Variants in IQSEC2 observed in about 807,000 individuals in gnomAD.
IQSEC2 encodes the protein IQ motif and Sec7 domain ArfGEF 2.
Under a neutral mutation model 74.6 loss-of-function variants are expected in IQSEC2, and 6 were observed. That is an observed-to-expected ratio of 0.08 (90% confidence interval 0.04 to 0.16). The LOEUF (loss-of-function observed/expected upper bound fraction) is 0.16. Among genes scored for constraint, IQSEC2 ranks in the 10% least tolerant of loss-of-function variants. The pLI is 1.00. For missense variants in IQSEC2, 734 were observed against 1,306.2 expected, an observed-to-expected ratio of 0.56 and a Z score of 6.75; for synonymous variants, 494 against 544.5, an observed-to-expected ratio of 0.91 and a Z score of 1.29.
chrX:53,245,208 A>G (rs1349531696), intron 8 of IQSEC2, among the ~76,000 whole-genome samples: 1 of 110,445 alleles, frequency 9.1e-6, no homozygotes, highest in Non-Finnish European at 1.9e-5. Flanking sequence ...TGGGAGGCCG[A>G]GTTGAGGCAA....
chrX:53,261,177 C>T (rs1347059490), intron 2 of IQSEC2, among the ~76,000 whole-genome samples: 6 of 111,335 alleles, frequency 5.4e-5, no homozygotes, highest in Admixed American at 4.8e-4. Flanking sequence ...GAACAACACT[C>T]GGGGACATGC....
chrX:53,303,290 A>G (rs17316052), intron 1 of IQSEC2, among the ~76,000 whole-genome samples: 2,637 of 111,376 alleles, frequency 0.024, 33 homozygotes, highest in Non-Finnish European at 0.037. Flanking sequence ...AGCAAACTCT[A>G]CATAGTTCAG....
chrX:53,286,953 AAAAAGAAAAAGAAAAAG>A (rs2075037507), intron 2 of IQSEC2, among the ~76,000 whole-genome samples: 1 of 105,457 alleles, frequency 9.5e-6, no homozygotes, highest in African/African-American at 3.5e-5. Context: ...AAAAAAAAAA[AAAAAGAAAAAGAAAAAG>A]AAAGAAAGAA....
chrX:53,245,540 T>A (rs986358256), intron 8 of IQSEC2, among the ~76,000 whole-genome samples: 2 of 111,556 alleles, frequency 1.8e-5, no homozygotes, highest in African/African-American at 6.5e-5. Context: ...AGGAACATAC[T>A]ACATCGCACT....
chrX:53,262,353 G>A, intron 2 of IQSEC2, among the ~76,000 whole-genome samples: 1 of 112,263 alleles, frequency 8.9e-6, no homozygotes, highest in Admixed American at 9.4e-5. Flanking sequence ...AGCAGGGGAT[G>A]GGATCAGGAT....
At chrX:53,231,144 G>A (rs2074062668), downstream of IQSEC2, 1 of 112,704 alleles carries the variant, frequency 8.9e-6, no homozygotes, top group African/African-American at 3.2e-5. Flanking sequence ...GCAATGTTCT[G>A]GATGGAGATG....
intron 2 of IQSEC2, among the ~76,000 whole-genome samples, chrX:53,270,714 C>T (rs143017188): frequency 2.4e-4 from 27 of 112,424 alleles, no homozygotes; most frequent in Middle Eastern, 4.6e-3. Flanking sequence ...GTGCCTAACA[C>T]AGTGCCTGGC....
rs1064795324 is a variant in IQSEC2, at chrX:53,234,385, TG to T, written c.4300del (p.His1434ThrfsTer61). 1 of 192,587 alleles carries T rather than the reference TG, an allele frequency of 5.2e-6. No individual in the cohort carries two copies. The highest frequency in any genetic ancestry group is 6.2e-6 in the Non-Finnish European group (1 of 161,266). The allele number at this position is 192,587 out of a possible 1,213,427, so 15.9% of individuals were successfully genotyped here. A position where few individuals can be genotyped will look rare whatever the true frequency, so the allele number is the denominator to read the frequency against. ...PLSPHSPIPP[H>X]PSYPPLPPPS... The stretch of plus-strand genomic sequence containing the variant: ...TGGGGGGAGGGGTGGATAGGAGGGG[TG>T]GGGTGGGATGGGTGAGTGTGGTGAC... On this transcript the variant is annotated frameshift_variant, in exon 15 of 15. Coordinates refer to ENST00000642864, the MANE Select transcript of IQSEC2 (RefSeq NM_001111125.3). LOFTEE classifies it high-confidence loss of function.
chrX:53,256,482 C>CG (rs2074469884), intron 2 of IQSEC2, among the ~76,000 whole-genome samples: 1 of 110,651 alleles, frequency 9.0e-6, no homozygotes, highest in African/African-American at 3.3e-5. Context: ...TTGTCCCCAA[C>CG]GCAGTGCTCG....
Position 53,315,821 on chromosome X carries a change from G to A in IQSEC2, c.707+4596C>T, listed in dbSNP as rs140965789. Among the ~76,000 whole-genome samples, 8 of 111,824 alleles carry A rather than the reference G, an allele frequency of 7.2e-5. 1 individual carries two copies. The South Asian group carries it at 2.6e-3, about 36-fold the overall frequency. On this transcript the variant is annotated intron_variant, in intron 1 of 14. Transcript: ENST00000642864. The stretch of plus-strand genomic sequence containing the variant: ...CCCATGCTCCAGGCCTTTACTCTGC[G>A]CCCAGCAAATTCAGAGACCTTGGTA...
At chrX:53,236,278 G>A (rs377469866) in intron 13 of IQSEC2, 44 bp downstream of exon 13, 11 of 1,169,540 alleles carry the variant, frequency 9.4e-6, no homozygotes, top group Non-Finnish European at 1.2e-5. Context: ...GAGGACACCC[G>A]GTCCCGTGTC....
intron 9 of IQSEC2, among the ~76,000 whole-genome samples, 172 bp downstream of exon 9, chrX:53,243,160 G>A (rs1419866951): frequency 8.9e-6 from 1 of 112,125 alleles, no homozygotes; most frequent in African/African-American, 3.2e-5. Flanking sequence ...ATGGGCCTTG[G>A]AATGTGCTCG....
At chrX:53,317,762 C>G (rs782246424) in intron 1 of IQSEC2, among the ~76,000 whole-genome samples, 1 of 112,682 alleles carries the variant, frequency 8.9e-6, no homozygotes, top group Non-Finnish European at 1.9e-5. Context: ...TGCCTGCCCT[C>G]GCTTCCAGCG....
chrX:53,299,911 T>C (rs1334992646), intron 1 of IQSEC2, among the ~76,000 whole-genome samples: 5 of 111,082 alleles, frequency 4.5e-5, no homozygotes, highest in African/African-American at 1.6e-4. Context: ...CCACCACACC[T>C]AGCCAATCTT....
intron 2 of IQSEC2, among the ~76,000 whole-genome samples, chrX:53,289,198 G>A (rs1556872485): frequency 1.1e-5 from 1 of 90,023 alleles, no homozygotes; most frequent in African/African-American, 4.3e-5. Flanking sequence ...ATTAGATGAG[G>A]AAACTGGGGC....
At chrX:53,245,370 G>A (rs1556861833) in intron 8 of IQSEC2, among the ~76,000 whole-genome samples, 1 of 106,806 alleles carries the variant, frequency 9.4e-6, no homozygotes, top group African/African-American at 3.4e-5. Context: ...CAAGGCTGCA[G>A]TGAGCTCTGC....
At chrX:53,242,433 CAAAAAAAAAAA>C (rs138931001) in intron 9 of IQSEC2, among the ~76,000 whole-genome samples, 8 of 36,006 alleles carry the variant, frequency 2.2e-4, no homozygotes, top group African/African-American at 6.3e-4. Flanking sequence ...AACTCCATGT[CAAAAAAAAAAA>C]AAAAAAAAAA....
intron 2 of IQSEC2, among the ~76,000 whole-genome samples, chrX:53,265,465 G>C (rs1438523179): frequency 1.8e-5 from 2 of 111,333 alleles, no homozygotes; most frequent in African/African-American, 3.3e-5. Context: ...AACCCAGAGA[G>C]GTAGGTATAT....
chrX:53,248,341 C>T, intron 6 of IQSEC2, 105 bp from the exon 7 acceptor site: 1 of 992,139 alleles, frequency 1.0e-6, no homozygotes, highest in Admixed American at 2.6e-5. Context: ...GATAGACTCT[C>T]AAATTCAGGA....
Sources: allele counts gnomAD v4.1 joint callset (sites outside exome capture counted in the v4.1 genomes callset), GRCh38; gene constraint gnomAD v4.1.1; transcripts MANE v1.5; gene names NCBI Gene and HGNC (gene_info 2026-07-23, HGNC 2026-07-21).